Variants in PTPRM observed in about 807,000 individuals in gnomAD.
PTPRM encodes the protein receptor-type tyrosine-protein phosphatase mu.
A neutral mutation model predicts 186.7 loss-of-function variants in PTPRM; 47 were observed. That is an observed-to-expected ratio of 0.25 (90% CI 0.20 to 0.32). The LOEUF is 0.32. PTPRM is among the 10% of genes least tolerant of loss of function. The pLI is 1.00. For missense variants in PTPRM, 1,494 were observed against 1,865.0 expected, an observed-to-expected ratio of 0.80 and a Z score of 3.66; for synonymous variants, 668 against 674.9, an observed-to-expected ratio of 0.99 and a Z score of 0.16.
intron 19 of PTPRM, among the ~76,000 whole-genome samples, chr18:8,274,987 T>C (rs1003382868): frequency 6.6e-6 from 1 of 152,224 alleles, no homozygotes; most frequent in African/African-American, 2.4e-5. Context: ...GTAGGAAACA[T>C]GTTTCTTCTG....
At chr18:7,987,593 A>G (rs546999565) in intron 7 of PTPRM, among the ~76,000 whole-genome samples, 111 of 152,222 alleles carry the variant, frequency 7.3e-4, no homozygotes, top group South Asian at 2.5e-3. Flanking sequence ...AGGATGGGGA[A>G]TGGGGACCCC....
chr18:7,888,159 C>T lies in PTPRM; in HGVS notation c.250C>T (p.Leu84=). The change falls in exon 3 of 33, where the codon CTG becomes TTG. Residue 84 remains leucine, a synonymous_variant. Transcript: ENST00000580170. ...GAGACCTGAGGGGCAGAGAGCCCAC[C>T]TGCTCTTACCCCAACTTAAAGAAAA... ...SGRPEGQRAH[L]LLPQLKENDT... The T allele has an allele frequency of 6.2e-7, 1 of 1,614,126 alleles. No individual in the cohort carries two copies. The highest frequency in any genetic ancestry group is 8.5e-7 in the Non-Finnish European group (1 of 1,180,000).
At chr18:7,907,552 T>C (rs917161924) in intron 4 of PTPRM, among the ~76,000 whole-genome samples, 3 of 152,180 alleles carry the variant, frequency 2.0e-5, no homozygotes, top group African/African-American at 4.8e-5. Flanking sequence ...CTGCGCTGAT[T>C]TGGGCCTTGG....
At chr18:7,597,144 C>T (rs1189709522) in intron 1 of PTPRM, among the ~76,000 whole-genome samples, 1 of 152,172 alleles carries the variant, frequency 6.6e-6, no homozygotes, top group East Asian at 1.9e-4. Context: ...GCCACTGTGC[C>T]AGCCTTCGTT....
chr18:8,104,567 C>T (rs1178523032), intron 11 of PTPRM, among the ~76,000 whole-genome samples: 4 of 152,120 alleles, frequency 2.6e-5, no homozygotes, highest in African/African-American at 9.7e-5. Context: ...ACCTCAGTCT[C>T]CTGAGTAGCT....
intron 14 of PTPRM, among the ~76,000 whole-genome samples, chr18:8,240,619 GA>G (rs2094411175): frequency 2.3e-4 from 1 of 4,410 alleles, no homozygotes; most frequent in African/African-American, 1.5e-3. Context: ...GAGAGGGAGG[GA>G]GAGAGAGAGA....
chr18:7,748,806 A>T (rs957007950), intron 1 of PTPRM, among the ~76,000 whole-genome samples: 1 of 152,130 alleles, frequency 6.6e-6, no homozygotes, highest in African/African-American at 2.4e-5. Flanking sequence ...AGAGTTGTTG[A>T]CTTAGGAACC....
chr18:8,144,365 G>A (rs1282097095), intron 14 of PTPRM, among the ~76,000 whole-genome samples: 1 of 152,136 alleles, frequency 6.6e-6, no homozygotes, highest in Non-Finnish European at 1.5e-5. Flanking sequence ...TGTAATCCCC[G>A]CATTTTGGGA....
chr18:8,247,705 TG>T, intron 15 of PTPRM, 139 bp from the exon 16 acceptor site: 1 of 620,574 alleles, frequency 1.6e-6, no homozygotes, highest in South Asian at 2.1e-5. Context: ...CTGGGAATGA[TG>T]ATATTTCCCA....
At chr18:7,943,767 A>G (rs529015583) in intron 5 of PTPRM, among the ~76,000 whole-genome samples, 6 of 152,176 alleles carry the variant, frequency 3.9e-5, no homozygotes, top group Admixed American at 2.6e-4. Context: ...TTTCCTTCAC[A>G]TTGACCCTTC....
At position 7,631,544 on chromosome 18, in the gene PTPRM, A is replaced by T. The variant is rs762992126; in HGVS notation, c.73+63653A>T. Among the ~76,000 whole-genome samples the T allele has an allele frequency of 2.4e-4, 36 of 151,664 alleles. 1 individual carries two copies. Among genetic ancestry groups the T allele is most frequent in the Non-Finnish European group, 1.0e-4 (7 of 68,002 alleles). On this transcript the variant is annotated intron_variant, in intron 1 of 32. Coordinates refer to ENST00000580170, the MANE Select transcript of PTPRM (RefSeq NM_001105244.2). ...TTAAAGAGTCCAATTTGGGAGATAG[A>T]TAATTGTCTAGAGCAAGGTTGTCCA...
intron 2 of PTPRM, among the ~76,000 whole-genome samples, chr18:7,806,231 C>A (rs2044228444): frequency 6.6e-6 from 1 of 152,158 alleles, no homozygotes; most frequent in South Asian, 2.1e-4. Context: ...CAAATTTGGT[C>A]TGCAAATTCA....
chr18:8,400,301 C>A (rs2095865365), intron 32 of PTPRM, among the ~76,000 whole-genome samples: 1 of 152,236 alleles, frequency 6.6e-6, no homozygotes. Context: ...GGCCTGGCTG[C>A]AGCAGCCGAG....
At chr18:8,312,042 T>G (rs2095272638) in intron 20 of PTPRM, among the ~76,000 whole-genome samples, 1 of 152,160 alleles carries the variant, frequency 6.6e-6, no homozygotes. Flanking sequence ...GTTGCCTGCC[T>G]TTTGAAAACC....
At chr18:8,100,694 A>G (rs571044012) in intron 11 of PTPRM, among the ~76,000 whole-genome samples, 1 of 152,334 alleles carries the variant, frequency 6.6e-6, no homozygotes, top group African/African-American at 2.4e-5. Context: ...CGCATCAAGT[A>G]TACTACTTGC....
intron 1 of PTPRM, among the ~76,000 whole-genome samples, chr18:7,742,377 A>G (rs891037759): frequency 1.3e-5 from 2 of 152,154 alleles, no homozygotes; most frequent in Admixed American, 6.6e-5. Flanking sequence ...CTTCGATCTG[A>G]TTGTGCAAAA....
chr18:7,729,374 G>A (rs2144383126), intron 1 of PTPRM, among the ~76,000 whole-genome samples: 1 of 152,246 alleles, frequency 6.6e-6, no homozygotes, highest in East Asian at 1.9e-4. Context: ...CCCCCTCTGG[G>A]TAGTGAAATA....
chr18:7,675,738 ATTT>A (rs112150765), intron 1 of PTPRM, among the ~76,000 whole-genome samples: 1 of 141,870 alleles, frequency 7.0e-6, no homozygotes, highest in African/African-American at 2.6e-5. Context: ...TTCATTCAGC[ATTT>A]TTTTTTTTTT....
chr18:7,774,102 G>C, intron 1 of PTPRM, 47 bp from the exon 2 acceptor site: 1 of 1,554,736 alleles, frequency 6.4e-7, no homozygotes, highest in Non-Finnish European at 8.8e-7. Context: ...GCTTATTCTA[G>C]AGGTCTGGTT....
Sources: allele counts gnomAD v4.1 joint callset (sites outside exome capture counted in the v4.1 genomes callset), GRCh38; gene constraint gnomAD v4.1.1; transcripts MANE v1.5; gene names NCBI Gene and HGNC (gene_info 2026-07-23, HGNC 2026-07-21).